The following CFAP299 variants were observed in gnomAD, a reference collection of about 807,000 sequenced individuals.
CFAP299 encodes the protein cilia and flagella associated protein 299.
In CFAP299, 21 loss-of-function variants were observed where a neutral mutation model predicts 27.0. That is an observed-to-expected ratio of 0.78 (90% CI 0.55 to 1.12). The LOEUF is 1.12. CFAP299 is among the 50% of genes most tolerant of loss of function. The pLI is 0.00. For synonymous variants in CFAP299, 104 were observed against 98.1 expected (o/e 1.06, Z -0.36); for missense variants, 310 against 276.6 (o/e 1.12, Z -0.86).
chr4:80,718,436 A>T (rs1239547132), intron 3 of CFAP299, among the ~76,000 whole-genome samples: 1 of 152,164 alleles, frequency 6.6e-6, no homozygotes, highest in Non-Finnish European at 1.5e-5. Context: ...CAATGCAAAC[A>T]TATGGGAATT....
At chr4:80,620,618 CTG>C (rs937613112) in intron 3 of CFAP299, among the ~76,000 whole-genome samples, 5 of 152,108 alleles carry the variant, frequency 3.3e-5, no homozygotes, top group African/African-American at 1.2e-4. Context: ...AGATCAGTCT[CTG>C]TATTCTTTTC....
At chr4:80,945,197 A>C (rs1018165456) in intron 5 of CFAP299, among the ~76,000 whole-genome samples, 2 of 152,222 alleles carry the variant, frequency 1.3e-5, no homozygotes, top group Non-Finnish European at 2.9e-5. Context: ...TGCCTAGCAC[A>C]GAATTGCACC....
At chr4:80,351,615 A>T (rs1009844532) in intron 1 of CFAP299, among the ~76,000 whole-genome samples, 1 of 152,018 alleles carries the variant, frequency 6.6e-6, no homozygotes, top group African/African-American at 2.4e-5. Context: ...ACCCAACCAT[A>T]CTGAAAATTA....
intron 3 of CFAP299, among the ~76,000 whole-genome samples, chr4:80,708,746 A>G (rs1027456471): frequency 6.6e-6 from 1 of 152,134 alleles, no homozygotes; most frequent in Non-Finnish European, 1.5e-5. Context: ...CACAAAAACA[A>G]TGCAAATAAT....
At chr4:80,539,268 C>T (rs1039934990) in intron 2 of CFAP299, among the ~76,000 whole-genome samples, 3 of 152,130 alleles carry the variant, frequency 2.0e-5, no homozygotes, top group African/African-American at 4.8e-5. Context: ...CAGTGTCAAA[C>T]GTGGAGACAA....
At chr4:80,632,931 C>T (rs1739285720) in intron 3 of CFAP299, among the ~76,000 whole-genome samples, 1 of 151,966 alleles carries the variant, frequency 6.6e-6, no homozygotes, top group African/African-American at 2.4e-5. Context: ...TCTTATCATC[C>T]TGAAAATGCA....
chr4:80,377,998 C>G (rs1209163307), intron 2 of CFAP299, among the ~76,000 whole-genome samples: 1 of 152,146 alleles, frequency 6.6e-6, no homozygotes, highest in Non-Finnish European at 1.5e-5. Context: ...TTCACTATCA[C>G]AAGAATAACA....
intron 2 of CFAP299, among the ~76,000 whole-genome samples, chr4:80,501,011 A>C (rs944400673): frequency 1.3e-5 from 2 of 152,070 alleles, no homozygotes; most frequent in African/African-American, 4.8e-5. Context: ...AATCATAGCT[A>C]TCTAAGTCTG....
chr4:80,339,818 C>A (rs892576886), intron 1 of CFAP299, among the ~76,000 whole-genome samples: 1 of 152,086 alleles, frequency 6.6e-6, no homozygotes, highest in African/African-American at 2.4e-5. Context: ...TAAACACAGG[C>A]CCTTTATTTT....
chr4:80,876,731 A>G (rs1331572390), intron 4 of CFAP299, among the ~76,000 whole-genome samples: 1 of 152,192 alleles, frequency 6.6e-6, no homozygotes, highest in Non-Finnish European at 1.5e-5. Context: ...TTAATTCAGT[A>G]CATTATTCCA....
At chr4:80,555,882 T>G (rs946235579) in intron 2 of CFAP299, among the ~76,000 whole-genome samples, 5 of 152,140 alleles carry the variant, frequency 3.3e-5, no homozygotes, top group Non-Finnish European at 5.9e-5. Flanking sequence ...GGATCTTCTA[T>G]CTTTACAAAT....
At chr4:80,559,924 A>T (rs552718058) in intron 2 of CFAP299, among the ~76,000 whole-genome samples, 1 of 152,264 alleles carries the variant, frequency 6.6e-6, no homozygotes, top group Non-Finnish European at 1.5e-5. Context: ...TGCTTAGGCA[A>T]ATCCTAGTGT....
chr4:80,962,844 AT>A lies in CFAP299; in HGVS notation c.607-665del, dbSNP rs1009206085. 9.2e-5 allele frequency among the ~76,000 whole-genome samples: 14 copies of A among 151,800 alleles called. No individual in the cohort carries two copies. The East Asian group carries it at 2.5e-3, about 27-fold the overall frequency. On this transcript the variant is annotated intron_variant, in intron 5 of 5. Coordinates refer to ENST00000358105, the MANE Select transcript of CFAP299 (RefSeq NM_152770.3). Reference sequence around the variant, plus strand: ...CATACTGTGCAACTCTTTTAGAATCATTTTTTTTCTCCTCTGAGCATCAGCT... The same window carrying A: ...CATACTGTGCAACTCTTTTAGAATCATTTTTTTCTCCTCTGAGCATCAGCT...
rs567382454 is a variant in CFAP299 at position 80,962,908 on chromosome 4, A to G, written c.607-609A>G. 4.7e-4 allele frequency among the ~76,000 whole-genome samples: 72 copies of G among 152,058 alleles called. 1 individual carries two copies. The highest frequency in any genetic ancestry group is 3.4e-3 in the Middle Eastern group (1 of 294). On this transcript the variant is annotated intron_variant, in intron 5 of 5. Transcript: ENST00000358105. ...CTTTCTTCTCCCTTATCAATACCAC[A>G]TTAGCAAATACTTATTTCCATAGAG...
intron 2 of CFAP299, among the ~76,000 whole-genome samples, chr4:80,462,613 C>T (rs901642052): frequency 4.6e-5 from 7 of 152,132 alleles, no homozygotes; most frequent in African/African-American, 1.7e-4. Context: ...TAGTCATACT[C>T]ATTTGCTTTC....
rs559509981 is a variant in CFAP299, at chr4:80,810,350, T to C, written c.334-59643T>C. Among the ~76,000 whole-genome samples, 9 of 136,298 alleles carry C rather than the reference T, an allele frequency of 6.6e-5. 1 individual carries two copies. Among genetic ancestry groups the C allele is most frequent in the African/African-American group, 2.6e-4 (9 of 34,262 alleles). The allele number at this position is 136,298 out of a possible 152,430, so 89.4% of individuals were successfully genotyped here. A position where few individuals can be genotyped will look rare whatever the true frequency, so the allele number is the denominator to read the frequency against. On this transcript the variant is annotated intron_variant, in intron 3 of 5. Transcript: ENST00000358105. ...GTTGAATAATGTGCCCCCCAACCCC[T>C]GACACACACACACACACACACACAT...
At chr4:80,779,416 G>A (rs1389447866) in intron 3 of CFAP299, among the ~76,000 whole-genome samples, 1 of 151,938 alleles carries the variant, frequency 6.6e-6, no homozygotes, top group African/African-American at 2.4e-5. Context: ...ATCCTACTTT[G>A]CTACTGTGGC....
intron 3 of CFAP299, among the ~76,000 whole-genome samples, chr4:80,626,950 C>T (rs1311486309): frequency 6.6e-6 from 1 of 151,590 alleles, no homozygotes; most frequent in Non-Finnish European, 1.5e-5. Context: ...TTAACTCTTC[C>T]AAAAAATTGA....
intron 4 of CFAP299, among the ~76,000 whole-genome samples, chr4:80,912,431 C>G (rs1242570966): frequency 6.6e-6 from 1 of 152,116 alleles, no homozygotes; most frequent in African/African-American, 2.4e-5. Flanking sequence ...AACACCTCAC[C>G]ATATCAATGA....
Sources: gnomAD v4.1 joint callset for allele counts (sites outside exome capture counted in the v4.1 genomes callset) on GRCh38, gnomAD v4.1.1 for gene constraint, MANE v1.5 for transcripts, NCBI Gene and HGNC (gene_info 2026-07-23, HGNC 2026-07-21) for gene names.